RSRC1: variants seen among roughly 807,000 people sequenced by gnomAD.
The protein encoded by RSRC1 is serine/Arginine-related protein 53.
RSRC1 carries 39 observed loss-of-function variants against 49.1 expected under a neutral mutation model. That is an observed-to-expected ratio of 0.79 (90% CI 0.61 to 1.04). RSRC1 has a LOEUF of 1.04. Among genes scored for constraint, RSRC1 ranks in the 50% least tolerant of loss-of-function variants. The probability of loss-of-function intolerance (pLI) is 0.00; values close to 1 mark genes in which losing one functional copy is unlikely to be tolerated. For missense variants in RSRC1, 388 were observed against 402.4 expected (o/e 0.96, Z 0.31); for synonymous variants, 143 against 130.8 (o/e 1.09, Z -0.63).
chr3:158,117,659 C>G (rs1194321042), intron 1 of RSRC1, among the ~76,000 whole-genome samples: 1 of 151,936 alleles, frequency 6.6e-6, no homozygotes, highest in African/African-American at 2.4e-5. Flanking sequence ...AGGATCTCAC[C>G]CTATCACCCA....
intron 6 of RSRC1, among the ~76,000 whole-genome samples, chr3:158,400,950 T>C (rs1414335391): frequency 2.0e-5 from 3 of 152,060 alleles, no homozygotes; most frequent in Admixed American, 6.6e-5. Flanking sequence ...AGCTGTCCAT[T>C]TTTTAATCAT....
chr3:158,277,250 A>G (rs1725869357), intron 4 of RSRC1, among the ~76,000 whole-genome samples: 1 of 152,200 alleles, frequency 6.6e-6, no homozygotes, highest in South Asian at 2.1e-4. Context: ...GTTCATTGTT[A>G]TCAGAATTGA....
intron 3 of RSRC1, among the ~76,000 whole-genome samples, chr3:158,147,514 T>TC (rs1559918743): frequency 3.4e-5 from 3 of 88,708 alleles, no homozygotes; most frequent in Non-Finnish European, 6.6e-5. Context: ...TAATAAATTT[T>TC]CTTTTTTTTT....
chr3:158,376,167 C>CCCTT (rs1560016564), intron 6 of RSRC1, among the ~76,000 whole-genome samples: 5 of 123,410 alleles, frequency 4.1e-5, no homozygotes, highest in Admixed American at 3.3e-4. Context: ...CTCCCTCCCT[C>CCCTT]CCTTCCTTCT....
At chr3:158,152,368 G>A (rs764134728) in intron 3 of RSRC1, among the ~76,000 whole-genome samples, 11 of 152,074 alleles carry the variant, frequency 7.2e-5, no homozygotes, top group Non-Finnish European at 1.6e-4. Context: ...TTCAGTCCTG[G>A]GCCAAGCAGG....
At chr3:158,450,415 T>C (rs916227362) in intron 6 of RSRC1, among the ~76,000 whole-genome samples, 4 of 151,688 alleles carry the variant, frequency 2.6e-5, no homozygotes, top group Non-Finnish European at 2.9e-5. Flanking sequence ...AAATAATTTT[T>C]CAGTTGTAGT....
intron 4 of RSRC1, among the ~76,000 whole-genome samples, chr3:158,249,173 A>G (rs1438944333): frequency 6.6e-6 from 1 of 152,208 alleles, no homozygotes; most frequent in Admixed American, 6.5e-5. Flanking sequence ...TAAGCTGCAT[A>G]TATTTAAAAG....
At chr3:158,163,860 C>T (rs1323701822) in intron 3 of RSRC1, among the ~76,000 whole-genome samples, 1 of 151,538 alleles carries the variant, frequency 6.6e-6, no homozygotes, top group Non-Finnish European at 1.5e-5. Context: ...GCACTGTATT[C>T]CCAGCACCGT....
At chr3:158,310,376 C>T (rs1434615463) in intron 5 of RSRC1, among the ~76,000 whole-genome samples, 1 of 151,676 alleles carries the variant, frequency 6.6e-6, no homozygotes, top group Non-Finnish European at 1.5e-5. Flanking sequence ...AAAATAAATG[C>T]TTTAAATGTA....
At chr3:158,409,922 C>CT (rs35721088) in intron 6 of RSRC1, among the ~76,000 whole-genome samples, 19,134 of 149,430 alleles carry the variant, frequency 0.13, 1,309 homozygotes, top group South Asian at 0.23. Context: ...TTTCAGAATT[C>CT]TTTTTTTTTT....
At chr3:158,417,599 ATGAT>A (rs1274097773) in intron 6 of RSRC1, among the ~76,000 whole-genome samples, 2 of 151,978 alleles carry the variant, frequency 1.3e-5, no homozygotes, top group Non-Finnish European at 2.9e-5. Context: ...GTGCATCTGA[ATGAT>A]TGGGTAGAGG....
chr3:158,280,236 G>A (rs1188327864), intron 4 of RSRC1, among the ~76,000 whole-genome samples: 2 of 152,094 alleles, frequency 1.3e-5, no homozygotes, highest in East Asian at 3.9e-4. Flanking sequence ...GAAGAAGGCT[G>A]TAGCGAGCGA....
At position 158,309,805 on chromosome 3, in the gene RSRC1, A is replaced by T. The variant is rs1288594259; in HGVS notation, c.531+11730A>T. ...TTTCTCCTACCAGTTTCTGGAAATG[A>T]CCTCCTAGGTTTTATTTATCCACCA... is the stretch of plus-strand genomic sequence containing the variant. On this transcript the variant is annotated intron_variant, in intron 5 of 9. Transcript: ENST00000611884. Among the ~76,000 whole-genome samples, 9 of 151,728 alleles carry T rather than the reference A, an allele frequency of 5.9e-5. No individual in the cohort carries two copies. In the East Asian group the frequency reaches 1.7e-3, roughly 29 times the overall value.
At chr3:158,355,199 C>T (rs1041548689) in intron 6 of RSRC1, among the ~76,000 whole-genome samples, 3 of 151,686 alleles carry the variant, frequency 2.0e-5, no homozygotes, top group Admixed American at 6.6e-5. Flanking sequence ...CTTTTATGTA[C>T]TATGGTTTTG....
intron 5 of RSRC1, among the ~76,000 whole-genome samples, chr3:158,316,473 G>T: frequency 9.9e-6 from 1 of 101,088 alleles, no homozygotes; most frequent in South Asian, 3.5e-4. Flanking sequence ...TTGAGACGGA[G>T]TCTCGCTGTC....
intron 5 of RSRC1, among the ~76,000 whole-genome samples, chr3:158,317,993 A>G (rs965350984): frequency 1.3e-4 from 20 of 151,776 alleles, no homozygotes; most frequent in African/African-American, 4.8e-4. Flanking sequence ...TAACTCATAA[A>G]CTTTCTTAAA....
At chr3:158,443,426 T>G (rs571823148) in intron 6 of RSRC1, among the ~76,000 whole-genome samples, 1 of 152,146 alleles carries the variant, frequency 6.6e-6, no homozygotes, top group East Asian at 1.9e-4. Flanking sequence ...GTTATGAAGA[T>G]TACTTCTTTC....
At chr3:158,275,902 A>G in intron 4 of RSRC1, 1 of 692,880 alleles carries the variant, frequency 1.4e-6, no homozygotes, top group Non-Finnish European at 2.5e-6. Flanking sequence ...GGCCCTTTCA[A>G]AGGCCACGGC....
chr3:158,141,147 G>C (rs146390135), intron 3 of RSRC1, among the ~76,000 whole-genome samples: 2 of 152,328 alleles, frequency 1.3e-5, no homozygotes, highest in African/African-American at 4.8e-5. Context: ...CAGATGAGGT[G>C]TGAATGAATT....
Sources: gnomAD v4.1 joint callset for allele counts (sites outside exome capture counted in the v4.1 genomes callset) on GRCh38, gnomAD v4.1.1 for gene constraint, MANE v1.5 for transcripts, NCBI Gene and HGNC (gene_info 2026-07-23, HGNC 2026-07-21) for gene names.